SH3GL2: variants seen among roughly 807,000 people sequenced by gnomAD.
SH3GL2 encodes the protein SH3 domain containing GRB2 like 2, endophilin A1.
Under a neutral mutation model 46.0 loss-of-function variants are expected in SH3GL2, and 24 were observed. The ratio of observed to expected loss-of-function variants is 0.52; its 90% confidence interval spans 0.38 to 0.73. The LOEUF is 0.73. Ranked by LOEUF, SH3GL2 falls within the 30% of genes least tolerant of loss-of-function variation. SH3GL2 has a pLI of 0.00. For synonymous variants in SH3GL2, 196 were observed against 147.1 expected (o/e 1.33, Z -2.40); for missense variants, 413 against 424.2 (o/e 0.97, Z 0.23).
chr9:17,746,145 G>A (rs926253868), intron 1 of SH3GL2, among the ~76,000 whole-genome samples: 3 of 152,108 alleles, frequency 2.0e-5, no homozygotes, highest in African/African-American at 2.4e-5. Flanking sequence ...TGGGATCTCC[G>A]CTCACTGCAG....
intron 1 of SH3GL2, among the ~76,000 whole-genome samples, chr9:17,652,812 G>A (rs1819986611): frequency 6.6e-6 from 1 of 152,108 alleles, no homozygotes; most frequent in Non-Finnish European, 1.5e-5. Context: ...ATTATCCAAT[G>A]AAAATAGTTG....
chr9:17,768,966 G>T (rs10963263), intron 3 of SH3GL2, among the ~76,000 whole-genome samples: 3 of 152,042 alleles, frequency 2.0e-5, no homozygotes, highest in African/African-American at 4.8e-5. Context: ...TCTCCATCTC[G>T]CTCCTTCTGA....
chr9:17,599,010 G>C (rs1818622953), intron 1 of SH3GL2, among the ~76,000 whole-genome samples: 1 of 152,170 alleles, frequency 6.6e-6, no homozygotes, highest in African/African-American at 2.4e-5. Context: ...GTAGTACATT[G>C]TGGTGATTTG....
intron 1 of SH3GL2, among the ~76,000 whole-genome samples, chr9:17,608,348 G>A (rs571526770): frequency 1.1e-4 from 17 of 151,972 alleles, no homozygotes; most frequent in South Asian, 6.2e-4. Context: ...GGGTTTCACC[G>A]TGTTAGCCGG....
In SH3GL2 at chr9:17,637,413, C is replaced by T. The variant is rs73645109; in HGVS notation, c.45+58126C>T. On this transcript the variant is annotated intron_variant, in intron 1 of 8. Transcript: ENST00000380607. ...TTCCCATAAACGTCTGGTTATAGCT[C>T]CCTTGTAGCACTTGTGCTGTTTATT... 4.3e-3 allele frequency among the ~76,000 whole-genome samples: 662 copies of T among 152,200 alleles called. 3 individuals are homozygous for T. Among genetic ancestry groups the T allele is most frequent in the African/African-American group, 0.015 (636 of 41,532 alleles).
At chr9:17,581,341 C>G (rs1818273751) in intron 1 of SH3GL2, among the ~76,000 whole-genome samples, 1 of 152,186 alleles carries the variant, frequency 6.6e-6, no homozygotes, top group South Asian at 2.1e-4. Context: ...GTTTATCACA[C>G]CGAATCCAAA....
At chr9:17,770,147 A>T (rs1303236034) in intron 3 of SH3GL2, among the ~76,000 whole-genome samples, 1 of 152,214 alleles carries the variant, frequency 6.6e-6, no homozygotes, top group Non-Finnish European at 1.5e-5. Context: ...GTCATGTACA[A>T]TTAGTATATT....
intron 1 of SH3GL2, among the ~76,000 whole-genome samples, chr9:17,612,980 G>A (rs1230902817): frequency 6.6e-6 from 1 of 152,100 alleles, no homozygotes; most frequent in South Asian, 2.1e-4. Context: ...TTTTTTCACA[G>A]TTTATCCATC....
chr9:17,747,656 T>C (rs980787634), intron 2 of SH3GL2, among the ~76,000 whole-genome samples: 6 of 152,086 alleles, frequency 3.9e-5, no homozygotes, highest in Non-Finnish European at 7.4e-5. Context: ...AGAGCCTCTT[T>C]TTAAAATTTT....
chr9:17,625,584 C>T (rs779084030), intron 1 of SH3GL2, among the ~76,000 whole-genome samples: 16 of 152,202 alleles, frequency 1.1e-4, no homozygotes, highest in Non-Finnish European at 2.2e-4. Context: ...GAGTACATTT[C>T]CAATGGGGAA....
chr9:17,621,789 AAAAC>A (rs1280552461), intron 1 of SH3GL2, among the ~76,000 whole-genome samples: 4 of 152,220 alleles, frequency 2.6e-5, no homozygotes, highest in Non-Finnish European at 4.4e-5. Context: ...ACTCAGGACA[AAAAC>A]AAATTTTACT....
chr9:17,715,761 T>G (rs573865636), intron 1 of SH3GL2, among the ~76,000 whole-genome samples: 1 of 152,094 alleles, frequency 6.6e-6, no homozygotes, highest in East Asian at 1.9e-4. Flanking sequence ...ATATCGTAAA[T>G]TGATAATGCA....
intron 1 of SH3GL2, among the ~76,000 whole-genome samples, chr9:17,690,253 C>A (rs779158522): frequency 2.0e-5 from 3 of 152,134 alleles, no homozygotes. Context: ...TGTGTTTCTG[C>A]TTTGGACCTG....
chr9:17,757,170 T>G (rs1823020065), intron 2 of SH3GL2, among the ~76,000 whole-genome samples: 1 of 152,116 alleles, frequency 6.6e-6, no homozygotes, highest in Admixed American at 6.6e-5. Context: ...TTTTGAAGAC[T>G]TAAATGTTAG....
intron 1 of SH3GL2, among the ~76,000 whole-genome samples, chr9:17,690,173 A>C (rs1050755588): frequency 2.0e-5 from 3 of 151,938 alleles, no homozygotes; most frequent in Non-Finnish European, 2.9e-5. Flanking sequence ...TTATGTCTAC[A>C]CCCCCACAAT....
chr9:17,738,557 T>TAC (rs1298913343), intron 1 of SH3GL2, among the ~76,000 whole-genome samples: 1 of 26,560 alleles, frequency 3.8e-5, no homozygotes, highest in East Asian at 9.1e-4. Flanking sequence ...TGTGTGTGTA[T>TAC]ATACATACAT....
chr9:17,785,172 C>A (rs934673585), intron 3 of SH3GL2, among the ~76,000 whole-genome samples: 3 of 152,182 alleles, frequency 2.0e-5, no homozygotes, highest in African/African-American at 7.2e-5. Context: ...ATACTTCCCT[C>A]CAGGAATCCT....
At chr9:17,628,149 G>T (rs1486288493) in intron 1 of SH3GL2, among the ~76,000 whole-genome samples, 1 of 152,104 alleles carries the variant, frequency 6.6e-6, no homozygotes, top group Non-Finnish European at 1.5e-5. Context: ...TTTAAAACAC[G>T]ATTATATCAT....
At chr9:17,740,835 T>C (rs2118493309) in intron 1 of SH3GL2, among the ~76,000 whole-genome samples, 1 of 152,290 alleles carries the variant, frequency 6.6e-6, no homozygotes, top group South Asian at 2.1e-4. Context: ...TATTTTCTCA[T>C]CTAATTCTAA....
Sources: gnomAD v4.1 joint callset for allele counts (sites outside exome capture counted in the v4.1 genomes callset) on GRCh38, gnomAD v4.1.1 for gene constraint, MANE v1.5 for transcripts, NCBI Gene and HGNC (gene_info 2026-07-23, HGNC 2026-07-21) for gene names.